TUBE1: variants seen among roughly 807,000 people sequenced by gnomAD.
The protein encoded by TUBE1 is tubulin epsilon chain.
TUBE1 carries 34 observed loss-of-function variants against 53.5 expected under a neutral mutation model. That is an observed-to-expected ratio of 0.64 (90% CI 0.48 to 0.85). The LOEUF is 0.85. Ranked by LOEUF, TUBE1 falls within the 40% of genes least tolerant of loss-of-function variation. TUBE1 has a pLI of 0.00. For missense variants in TUBE1, 532 were observed against 570.5 expected (o/e 0.93, Z 0.69); for synonymous variants, 177 against 198.4 (o/e 0.89, Z 0.91).
In TUBE1 at chr6:112,071,537, T is replaced by G. The variant is rs782541513; in HGVS notation, c.1303A>C (p.Met435Leu). 7.4e-6 allele frequency: 12 copies of G among 1,611,670 alleles called. No individual in the cohort carries two copies. Among genetic ancestry groups the G allele is most frequent in the Non-Finnish European group, 1.0e-5 (12 of 1,178,748 alleles). The part of the protein sequence containing the change: ...HLHHYLQVEG[M>L]EESCFTEAVS... ...GCTTCTGTGAAACAGCTTTCTTCCATCCCTTCAACTTGTAGATAGTGATGA... is the reference window on the plus strand; with the variant it reads ...GCTTCTGTGAAACAGCTTTCTTCCAGCCCTTCAACTTGTAGATAGTGATGA... The change falls in exon 12 of 12, where the codon ATG becomes CTG. Residue 435 changes from methionine (M) to leucine (L), a missense_variant. Transcript: ENST00000368662.
At position 112,086,573 on chromosome 6, in the gene TUBE1, A is replaced by G. The variant is rs1554317354; in HGVS notation, c.135T>C (p.Phe45=). 2 of 1,612,932 alleles carry G rather than the reference A, an allele frequency of 1.2e-6. No individual in the cohort carries two copies. The highest frequency in any genetic ancestry group is 1.7e-6 in the Non-Finnish European group (2 of 1,179,074). The part of the protein sequence containing the change: ...GIYDEAISSF[F]RNVDTRVVGD... The stretch of plus-strand genomic sequence containing the variant: ...CATCTTACCTGGTGTCCACATTTCT[A>G]AAGAAGCTGCTTATTGCCTCATCAT... Residue 45 remains phenylalanine (F), a synonymous_variant, in exon 3 of 12, where the codon TTT becomes TTC. Transcript: ENST00000368662.
intron 2 of TUBE1, 64 bp from the exon 3 acceptor site, chr6:112,086,672 C>A: frequency 1.8e-6 from 2 of 1,100,428 alleles, no homozygotes; most frequent in Non-Finnish European, 1.4e-6. Context: ...CAAGTTCTTT[C>A]AATTTTAATT....
intron 8 of TUBE1, 33 bp downstream of exon 8, chr6:112,075,904 T>C (rs782174679): frequency 3.3e-6 from 5 of 1,521,168 alleles, no homozygotes; most frequent in Non-Finnish European, 3.5e-6. Context: ...AAAAGCACAA[T>C]AAAGTTTTTT....
intron 4 of TUBE1, among the ~76,000 whole-genome samples, chr6:112,082,001 C>T (rs1328589613): frequency 3.3e-5 from 5 of 151,960 alleles, no homozygotes; most frequent in African/African-American, 4.8e-5. Context: ...TTAGGGTACA[C>T]TAAACAATGA....
chr6:112,084,121 T>C, intron 4 of TUBE1, 68 bp downstream of exon 4: 1 of 1,249,840 alleles, frequency 8.0e-7, no homozygotes. Context: ...TTTATTCTCA[T>C]GATAGTTACT....
At position 112,079,718 on chromosome 6, in the gene TUBE1, T is replaced by C; in HGVS notation, c.363A>G (p.Gln121=). 1 of 1,612,056 alleles carries C rather than the reference T, an allele frequency of 6.2e-7. No homozygotes were observed. Among genetic ancestry groups the C allele is most frequent in the Non-Finnish European group, 8.5e-7 (1 of 1,178,980 alleles). ...VGHKVFGSLY[Q]DQILEKFRKS... is the part of the protein sequence containing the mutation. ...TTCTGAATTTCTCTAAAATCTGGTC[T>C]TGGTAAAGACTGCCGAAAACTTTGT... Residue 121 remains glutamine, a synonymous_variant, in exon 6 of 12, where the codon CAA becomes CAG. Transcript: ENST00000368662.
rs782000725 is a variant in TUBE1 at position 112,072,808 on chromosome 6, G to A, written c.1044C>T (p.Leu348=). The A allele has an allele frequency of 3.7e-6, 6 of 1,613,524 alleles. No individual in the cohort carries two copies. The East Asian group carries it at 1.3e-4, about 36-fold the overall frequency. ...AAATTTGTACATTTCCTCTAACCAT[G>A]AGTGCACAGGCGAGGTAAAGACTGT... ...PKHSLYLACA[L]MVRGNVQISD... The change falls in exon 10 of 12, where the codon CTC becomes CTT. Residue 348 remains leucine (L), a synonymous_variant. Transcript: ENST00000368662.
In TUBE1 at chr6:112,072,848, C is replaced by G; in HGVS notation, c.1004G>C (p.Arg335Pro). Reference protein sequence around the residue: ...DAFSKDHQLLRADPKHSLYLA... With the variant: ...DAFSKDHQLLPADPKHSLYLA... ...GTAAAGACTGTGTTTGGGGTCTGCC[C>G]GAAGCAGCTGGTGATCTTTACTAAA... The change falls in exon 10 of 12, where the codon CGG becomes CCG. Residue 335 changes from arginine (R) to proline (P), a missense_variant. Physicochemically the swap from Arg to Pro is moderately radical, Grantham distance 103. Coordinates refer to ENST00000368662, the MANE Select transcript of TUBE1 (RefSeq NM_016262.5). 8.1e-6 allele frequency: 13 copies of G among 1,613,498 alleles called. No homozygotes were observed. The highest frequency in any genetic ancestry group is 1.1e-5 in the Non-Finnish European group (13 of 1,179,694).
intron 3 of TUBE1, among the ~76,000 whole-genome samples, chr6:112,084,897 C>T (rs1777124283): frequency 6.6e-6 from 1 of 152,162 alleles, no homozygotes; most frequent in South Asian, 2.1e-4. Context: ...AAATCTAACG[C>T]AGTATATGGG....
At chr6:112,081,250 G>T in intron 4 of TUBE1, 43 bp from the exon 5 acceptor site, 1 of 1,123,120 alleles carries the variant, frequency 8.9e-7, no homozygotes, top group Non-Finnish European at 1.3e-6. Context: ...TTTTCTTTTA[G>T]AGTTATTCAC....
At chr6:112,076,767 C>G in intron 6 of TUBE1, 1 of 247,344 alleles carries the variant, frequency 4.0e-6, no homozygotes, top group East Asian at 7.8e-5. Context: ...TAGGGTCTAC[C>G]TATGTTGCCC....
Position 112,081,212 on chromosome 6 carries a change from G to C in TUBE1, c.211-5C>G, listed in dbSNP as rs781884754. 5 of 1,489,462 alleles carry C rather than the reference G, an allele frequency of 3.4e-6. No homozygotes were observed. In the African/African-American group the frequency reaches 4.2e-5, roughly 13 times the overall value. The allele number at this position is 1,489,462 out of a possible 1,614,324, so 92.3% of individuals were successfully genotyped here. On this transcript the variant is annotated splice_polypyrimidine_tract_variant and splice_region_variant and intron_variant, in intron 4 of 11. Coordinates refer to ENST00000368662, the MANE Select transcript of TUBE1 (RefSeq NM_016262.5). ...TTCCATATCAATCAAGACTGCCTGA[G>C]AAAGAAAAATAAAATATAATTAATG...
In TUBE1 at chr6:112,075,920, T is replaced by C. The variant is rs1424933604; in HGVS notation, c.812+17A>G. ...AAAGCACAATAAAGTTTTTTGACTA[T>C]CCCTGGATAGAATTACCTCGTTAGG... is the stretch of plus-strand genomic sequence containing the variant. On this transcript the variant is annotated intron_variant, in intron 8 of 11. Coordinates refer to ENST00000368662, the MANE Select transcript of TUBE1 (RefSeq NM_016262.5). The C allele has an allele frequency of 1.3e-6, 2 of 1,586,936 alleles. No individual in the cohort carries two copies. Among genetic ancestry groups the C allele is most frequent in the East Asian group, 2.2e-5 (1 of 44,472 alleles).
rs1776842978 is a variant in TUBE1 at position 112,070,826 on chromosome 6, C to A, written c.*586G>T. 1 of 151,890 alleles carries A rather than the reference C, an allele frequency of 6.6e-6. No homozygotes were observed. The highest frequency in any genetic ancestry group is 1.5e-5 in the Non-Finnish European group (1 of 67,936). 9.4% of individuals were successfully genotyped at this position (151,890 alleles called of 1,614,324 possible). On this transcript the variant is annotated 3_prime_UTR_variant, in exon 12 of 12. Coordinates refer to ENST00000368662, the MANE Select transcript of TUBE1 (RefSeq NM_016262.5). ...AAAATCAATTGGTTTGATAAGAAAG[C>A]AATTATTTAAAAAGTTTAATACAAA...
At chr6:112,082,516 GCAATATGCAAATA>G (rs1257719769) in intron 4 of TUBE1, among the ~76,000 whole-genome samples, 2 of 152,112 alleles carry the variant, frequency 1.3e-5, no homozygotes, top group Non-Finnish European at 2.9e-5. Flanking sequence ...GGCAAGGGAG[GCAATATGCAAATA>G]CAAACTGATA....
intron 6 of TUBE1, chr6:112,078,342 T>C (rs1305548230): frequency 6.6e-6 from 1 of 152,030 alleles, no homozygotes; most frequent in Non-Finnish European, 1.5e-5. Context: ...TTAATACCCA[T>C]AAATAACAAA....
At chr6:112,075,068 C>T (rs1794911) in intron 8 of TUBE1, 41,361 of 123,228 alleles carry the variant, frequency 0.34, 6,523 homozygotes, top group African/African-American at 0.41. Context: ...TTTTTTCTTT[C>T]TTTTTTTTTT....
At chr6:112,084,380 T>C in intron 3 of TUBE1, 134 bp from the exon 4 acceptor site, 1 of 685,936 alleles carries the variant, frequency 1.5e-6, no homozygotes, top group Non-Finnish European at 2.5e-6. Context: ...CAGCTATTCC[T>C]AATCTCTTTC....
chr6:112,087,152 A>T, intron 2 of TUBE1, 81 bp downstream of exon 2: 1 of 1,272,214 alleles, frequency 7.9e-7, no homozygotes, highest in East Asian at 2.5e-5. Context: ...GGTCAGATGA[A>T]AGCTCAAGTC....
Sources: allele counts gnomAD v4.1 joint callset (sites outside exome capture counted in the v4.1 genomes callset), GRCh38; gene constraint gnomAD v4.1.1; transcripts MANE v1.5; gene names NCBI Gene and HGNC (gene_info 2026-07-23, HGNC 2026-07-21).